GSE1: variants seen among roughly 807,000 people sequenced by gnomAD.
GSE1 encodes the protein Gse1 coiled-coil protein.
A neutral mutation model predicts 112.6 loss-of-function variants in GSE1; 32 were observed. The observed-to-expected ratio is 0.28, with a 90% CI of 0.21 to 0.38. The LOEUF is 0.38. Among genes scored for constraint, GSE1 ranks in the 10% least tolerant of loss-of-function variants. The pLI, the probability that GSE1 is intolerant of heterozygous loss-of-function variation, is 1.00. For synonymous variants in GSE1, 1,115 were observed against 735.6 expected (o/e 1.52, Z -8.35); for missense variants, 2,348 against 1,699.2 (o/e 1.38, Z -6.71).
chr16:85,477,566 G>GTTT (rs553936246), intron 2 of GSE1, among the ~76,000 whole-genome samples: 2,170 of 128,054 alleles, frequency 0.017, 38 homozygotes, highest in Non-Finnish European at 0.026. Flanking sequence ...TTTTTTTTTT[G>GTTT]TTTTTTTTTT....
At chr16:85,321,268 T>C (rs1324332066) in intron 1 of GSE1, among the ~76,000 whole-genome samples, 2 of 152,156 alleles carry the variant, frequency 1.3e-5, no homozygotes, top group African/African-American at 4.8e-5. Context: ...CAAGGGGTCC[T>C]TGAAGTAATG....
chr16:85,653,762 T>C (rs548033733), intron 3 of GSE1, among the ~76,000 whole-genome samples: 2 of 152,284 alleles, frequency 1.3e-5, no homozygotes, highest in East Asian at 3.9e-4. Flanking sequence ...CAGCTTCCTT[T>C]GCCCCTGCCC....
intron 2 of GSE1, among the ~76,000 whole-genome samples, chr16:85,521,290 C>G (rs2052177239): frequency 6.6e-6 from 1 of 152,220 alleles, no homozygotes; most frequent in African/African-American, 2.4e-5. Flanking sequence ...GACCCTGTGC[C>G]TGTACTTAAA....
chr16:85,474,124 G>A (rs901150646), intron 2 of GSE1, among the ~76,000 whole-genome samples: 1 of 152,136 alleles, frequency 6.6e-6, no homozygotes, highest in African/African-American at 2.4e-5. Flanking sequence ...GGTTGAGGCG[G>A]AAGCAGGGAT....
At chr16:85,613,195 G>A, upstream of GSE1, 1 of 1,431,768 alleles carries the variant, frequency 7.0e-7, no homozygotes, top group Non-Finnish European at 9.1e-7. Context: ...CCGGGAGTGG[G>A]CGGCGTTGCG....
chr16:85,483,418 C>T (rs1438255549), intron 2 of GSE1, among the ~76,000 whole-genome samples: 1 of 152,240 alleles, frequency 6.6e-6, no homozygotes, highest in Non-Finnish European at 1.5e-5. Flanking sequence ...CCTCAGTTTC[C>T]CCACCTGTAC....
Position 85,656,329 on chromosome 16 carries a change from T to G in GSE1, c.990-14T>G, listed in dbSNP as rs3751722. 6.2e-7 allele frequency: 1 copy of G among 1,609,828 alleles called. No individual in the cohort carries two copies. ...TGGTGCAGCAGAGCCCCCAACTCTT[T>G]CCATGTGCTGCAGGCTGCAGATGGA... On this transcript the variant is annotated splice_polypyrimidine_tract_variant and intron_variant, in intron 6 of 15. Transcript: ENST00000253458.
At chr16:85,329,319 C>T (rs1412110089) in intron 1 of GSE1, among the ~76,000 whole-genome samples, 1 of 152,144 alleles carries the variant, frequency 6.6e-6, no homozygotes, top group Non-Finnish European at 1.5e-5. Context: ...TCGGAGCACC[C>T]GTGTGCTGTG....
chr16:85,246,109 C>T (rs964545931), intron 1 of GSE1, among the ~76,000 whole-genome samples: 1 of 151,498 alleles, frequency 6.6e-6, no homozygotes, highest in South Asian at 2.1e-4. Flanking sequence ...CCTGAGACCA[C>T]ACACACTAGC....
At chr16:85,332,432 C>A (rs55912494) in intron 1 of GSE1, among the ~76,000 whole-genome samples, 1 of 152,218 alleles carries the variant, frequency 6.6e-6, no homozygotes, top group Non-Finnish European at 1.5e-5. Flanking sequence ...GGACTAATGT[C>A]CCCACTTTCC....
At chr16:85,443,731 G>A (rs1029228522) in intron 2 of GSE1, among the ~76,000 whole-genome samples, 1 of 152,202 alleles carries the variant, frequency 6.6e-6, no homozygotes, top group East Asian at 1.9e-4. Flanking sequence ...CACCAGAGGG[G>A]CCTAGCGTTT....
intron 2 of GSE1, among the ~76,000 whole-genome samples, chr16:85,378,236 T>A (rs1010825664): frequency 6.6e-6 from 1 of 152,172 alleles, no homozygotes; most frequent in Non-Finnish European, 1.5e-5. Context: ...GACTCCCCTC[T>A]GGGACTCTGT....
intron 2 of GSE1, among the ~76,000 whole-genome samples, chr16:85,437,413 G>C (rs761292435): frequency 6.0e-5 from 9 of 150,888 alleles, no homozygotes; most frequent in Admixed American, 3.3e-4. Flanking sequence ...CCAAGACCCG[G>C]GGCCTCCTGC....
At chr16:85,265,904 G>T (rs901482338) in intron 1 of GSE1, among the ~76,000 whole-genome samples, 2 of 152,156 alleles carry the variant, frequency 1.3e-5, no homozygotes, top group African/African-American at 4.8e-5. Context: ...GGTCTCTGCA[G>T]TCTCTGGCCT....
At chr16:85,303,076 AATGTTGCTTAGCC>A (rs2045571159) in intron 1 of GSE1, among the ~76,000 whole-genome samples, 1 of 152,152 alleles carries the variant, frequency 6.6e-6, no homozygotes, top group Non-Finnish European at 1.5e-5. Context: ...AGGGGGTGAA[AATGTTGCTTAGCC>A]ATGTGTCCAG....
rs1169430324 is a variant in GSE1 at position 85,253,058 on chromosome 16, GCCCCCCCCCCACCC to G, written c.2283+81265_2283+81278del. Among the ~76,000 whole-genome samples the G allele has an allele frequency of 3.4e-4, 16 of 47,164 alleles. 1 individual carries two copies. Among genetic ancestry groups the G allele is most frequent in the Non-Finnish European group, 5.9e-4 (15 of 25,532 alleles). 30.9% of individuals were successfully genotyped at this position (47,164 alleles called of 152,430 possible). ...GCGGCTCCAGCTCATAGGCGCCCCC[GCCCCCCCCCCACCC>G]CCCCCCCCCCACCAGCAGGCTGCTT... On this transcript the variant is annotated intron_variant, in intron 1 of 2. Coordinates refer to the GSE1 transcript ENST00000637419.
intron 2 of GSE1, among the ~76,000 whole-genome samples, chr16:85,507,602 G>T: frequency 6.6e-6 from 1 of 152,168 alleles, no homozygotes; most frequent in East Asian, 1.9e-4. Context: ...TTTCCTCTGG[G>T]GCCCCTCGCC....
chr16:85,656,693 G>A (rs894305385), intron 7 of GSE1, 28 bp downstream of exon 7: 18 of 1,470,770 alleles, frequency 1.2e-5, no homozygotes, highest in Non-Finnish European at 1.5e-5. Context: ...GGCTGTGCTG[G>A]GCAAGGTCTC....
chr16:85,308,374 A>T (rs2045738716), intron 1 of GSE1, among the ~76,000 whole-genome samples: 1 of 152,164 alleles, frequency 6.6e-6, no homozygotes, highest in African/African-American at 2.4e-5. Flanking sequence ...TTACTTCTTA[A>T]GGCTCTGGAT....
Sources: gnomAD v4.1 joint callset for allele counts (sites outside exome capture counted in the v4.1 genomes callset) on GRCh38, gnomAD v4.1.1 for gene constraint, MANE v1.5 for transcripts, NCBI Gene and HGNC (gene_info 2026-07-23, HGNC 2026-07-21) for gene names.